The following KSR2 variants were observed in gnomAD, a reference collection of about 807,000 sequenced individuals.
The protein encoded by KSR2 is kinase suppressor of ras 2.
KSR2 carries 25 observed loss-of-function variants against 107.8 expected under a neutral mutation model. That is an observed-to-expected ratio of 0.23 (90% confidence interval 0.17 to 0.32). The LOEUF (loss-of-function observed/expected upper bound fraction) is 0.32, where lower values mean the gene tolerates loss of function less well. KSR2 is among the 10% of genes least tolerant of loss of function. The probability of loss-of-function intolerance (pLI) is 1.00; values close to 1 mark genes in which losing one functional copy is unlikely to be tolerated. For missense variants in KSR2, 887 were observed against 1,268.9 expected (o/e 0.70, Z 4.57); for synonymous variants, 480 against 507.0 (o/e 0.95, Z 0.71).
intron 12 of KSR2, among the ~76,000 whole-genome samples, chr12:117,528,686 A>T (rs1384149179): frequency 6.6e-6 from 1 of 152,244 alleles, no homozygotes; most frequent in Non-Finnish European, 1.5e-5. Context: ...GACAGCTGAC[A>T]TGCTGAGAAC....
chr12:117,949,810 A>AGT (rs1896307111), intron 1 of KSR2, among the ~76,000 whole-genome samples: 1 of 152,170 alleles, frequency 6.6e-6, no homozygotes, highest in African/African-American at 2.4e-5. Flanking sequence ...ATGGAGGTTT[A>AGT]GGTTACAGTG....
At position 117,968,648 on chromosome 12, in the gene KSR2, G is replaced by A. The variant is rs1451842979; in HGVS notation, c.-393C>T. 1.8e-5 allele frequency: 4 copies of A among 221,610 alleles called. No individual in the cohort carries two copies. Among genetic ancestry groups the A allele is most frequent in the East Asian group, 2.2e-4 (2 of 9,116 alleles). The allele number at this position is 221,610 out of a possible 1,614,324, so 13.7% of individuals were successfully genotyped here. On this transcript the variant is annotated 5_prime_UTR_variant, in exon 1 of 20. Coordinates refer to ENST00000339824, the MANE Select transcript of KSR2 (RefSeq NM_173598.6). ...GAGGAGGAGGGAGAGGAGGAGGAGG[G>A]AGAGGAGGAGGAGGAGAAGGAAAAT...
intron 1 of KSR2, among the ~76,000 whole-genome samples, chr12:117,873,937 A>T (rs1195946348): frequency 6.6e-6 from 1 of 152,190 alleles, no homozygotes; most frequent in Non-Finnish European, 1.5e-5. Flanking sequence ...TTGATGGAGT[A>T]GTCTTATGTC....
At chr12:117,493,868 GT>G (rs1872878187) in intron 14 of KSR2, among the ~76,000 whole-genome samples, 1 of 152,104 alleles carries the variant, frequency 6.6e-6, no homozygotes, top group African/African-American at 2.4e-5. Flanking sequence ...TTTATCAGGG[GT>G]TTCTGCTTTT....
At chr12:117,932,525 G>A (rs771666687) in intron 1 of KSR2, among the ~76,000 whole-genome samples, 35 of 152,050 alleles carry the variant, frequency 2.3e-4, no homozygotes, top group Non-Finnish European at 1.8e-4. Flanking sequence ...AAGCCAGCCT[G>A]GGCAATACAG....
chr12:117,945,282 T>C (rs140289918), intron 1 of KSR2, among the ~76,000 whole-genome samples: 200 of 152,302 alleles, frequency 1.3e-3, no homozygotes, highest in African/African-American at 4.7e-3. Flanking sequence ...CAAGCACACA[T>C]GGAACATTCA....
At chr12:117,754,598 A>G (rs952640739) in intron 4 of KSR2, among the ~76,000 whole-genome samples, 4 of 151,758 alleles carry the variant, frequency 2.6e-5, no homozygotes, top group Non-Finnish European at 4.4e-5. Flanking sequence ...AGATTGTGCC[A>G]CTGCACTCCA....
chr12:117,570,646 C>T lies in KSR2; in HGVS notation c.1325+8473G>A, dbSNP rs746196789. 4.6e-5 allele frequency among the ~76,000 whole-genome samples: 7 copies of T among 152,238 alleles called. No individual in the cohort carries two copies. In the East Asian group the frequency reaches 5.8e-4, roughly 13 times the overall value. ...TTTATACTTTGCATTCATATAAAGTCGGGTTTTGCAACGAAATAAATGCTG... is the reference window on the plus strand; with the variant it reads ...TTTATACTTTGCATTCATATAAAGTTGGGTTTTGCAACGAAATAAATGCTG... On this transcript the variant is annotated intron_variant, in intron 7 of 19. Coordinates refer to ENST00000339824, the MANE Select transcript of KSR2 (RefSeq NM_173598.6).
chr12:117,715,342 T>C (rs932077412), intron 4 of KSR2, among the ~76,000 whole-genome samples: 1 of 152,114 alleles, frequency 6.6e-6, no homozygotes, highest in Non-Finnish European at 1.5e-5. Context: ...GAAAATAAAA[T>C]GCAACATTCA....
chr12:117,899,429 G>A (rs759425184), intron 1 of KSR2, among the ~76,000 whole-genome samples: 1 of 152,086 alleles, frequency 6.6e-6, no homozygotes, highest in Non-Finnish European at 1.5e-5. Flanking sequence ...GGAGTTCAAG[G>A]CTACAGTGAG....
intron 2 of KSR2, among the ~76,000 whole-genome samples, chr12:117,857,613 GTAATAA>G (rs1168957478): frequency 6.6e-6 from 1 of 152,108 alleles, no homozygotes; most frequent in East Asian, 1.9e-4. Context: ...TAAAATAATA[GTAATAA>G]TAATAGCTGA....
chr12:117,539,987 GCAA>G (rs1484679329), intron 9 of KSR2, 100 bp from the exon 10 acceptor site: 1 of 994,814 alleles, frequency 1.0e-6, no homozygotes, highest in African/African-American at 1.7e-5. Flanking sequence ...CCCAGCCCCT[GCAA>G]CAATTCTTGC....
chr12:117,886,892 A>G (rs1266720528), intron 1 of KSR2, among the ~76,000 whole-genome samples: 2 of 152,032 alleles, frequency 1.3e-5, no homozygotes, highest in Admixed American at 6.6e-5. Context: ...GTCTTCCCCT[A>G]TGAAAGACAG....
intron 3 of KSR2, among the ~76,000 whole-genome samples, chr12:117,851,460 G>A (rs1051823579): frequency 6.6e-6 from 1 of 152,150 alleles, no homozygotes; most frequent in Admixed American, 6.5e-5. Flanking sequence ...GTATGCACCT[G>A]TAGTCCCAGC....
chr12:117,840,536 T>C (rs1038463120), intron 3 of KSR2, among the ~76,000 whole-genome samples: 4 of 152,110 alleles, frequency 2.6e-5, no homozygotes, highest in African/African-American at 4.8e-5. Flanking sequence ...ACTGGGACTA[T>C]TGGCATGCAC....
chr12:117,685,243 T>C (rs1013919822), intron 4 of KSR2, among the ~76,000 whole-genome samples: 8 of 152,226 alleles, frequency 5.3e-5, no homozygotes, highest in African/African-American at 1.9e-4. Context: ...ATCCCTGTGA[T>C]TAGTGACTAA....
chr12:117,810,997 T>C (rs1345441349), intron 3 of KSR2, among the ~76,000 whole-genome samples: 2 of 152,224 alleles, frequency 1.3e-5, no homozygotes, highest in East Asian at 3.9e-4. Flanking sequence ...ACTTGATAAA[T>C]TGATGAGTCT....
intron 5 of KSR2, among the ~76,000 whole-genome samples, chr12:117,627,399 G>T (rs1882577947): frequency 6.6e-6 from 1 of 152,152 alleles, no homozygotes; most frequent in Non-Finnish European, 1.5e-5. Flanking sequence ...AGGCCTGGTG[G>T]TGACAAAATC....
rs1877510648 is a variant in KSR2, at chr12:117,554,308, A to G, written c.1518+861T>C. On this transcript the variant is annotated intron_variant, in intron 9 of 19. Transcript: ENST00000339824. Reference sequence around the variant, plus strand: ...CACTGCTGACCACCTGTCTGAGGGTAGAAGCCAACCAAATTGCCTGTTGCT... The same window carrying G: ...CACTGCTGACCACCTGTCTGAGGGTGGAAGCCAACCAAATTGCCTGTTGCT... Among the ~76,000 whole-genome samples, 2 of 152,174 alleles carry G rather than the reference A, an allele frequency of 1.3e-5. 1 individual carries two copies. Among genetic ancestry groups the G allele is most frequent in the South Asian group, 4.1e-4 (2 of 4,832 alleles).
Sources: gnomAD v4.1 joint callset for allele counts (sites outside exome capture counted in the v4.1 genomes callset) on GRCh38, gnomAD v4.1.1 for gene constraint, MANE v1.5 for transcripts, NCBI Gene and HGNC (gene_info 2026-07-23, HGNC 2026-07-21) for gene names.